The following PHACTR3 variants were observed in gnomAD, a reference collection of about 807,000 sequenced individuals.
PHACTR3 encodes phosphatase and actin regulator 3.
A neutral mutation model predicts 66.8 loss-of-function variants in PHACTR3; 16 were observed. That is an observed-to-expected ratio of 0.24 (90% CI 0.16 to 0.36). The LOEUF is 0.36. Among genes scored for constraint, PHACTR3 ranks in the 10% least tolerant of loss-of-function variants. The probability of loss-of-function intolerance (pLI) is 1.00; values close to 1 mark genes in which losing one functional copy is unlikely to be tolerated. For synonymous variants in PHACTR3, 323 were observed against 292.1 expected (o/e 1.11, Z -1.08); for missense variants, 647 against 719.9 (o/e 0.90, Z 1.16).
intron 1 of PHACTR3, among the ~76,000 whole-genome samples, chr20:59,635,205 TTTCC>T (rs1213062659): frequency 8.6e-5 from 11 of 128,536 alleles, no homozygotes; most frequent in Admixed American, 2.5e-4. Flanking sequence ...TCTTTCTTTC[TTTCC>T]TTCCTTCCTT....
At chr20:59,743,351 G>A (rs2039244928) in intron 2 of PHACTR3, 83 bp downstream of exon 2, 1 of 1,532,790 alleles carries the variant, frequency 6.5e-7, no homozygotes, top group South Asian at 1.2e-5. Flanking sequence ...GCTGATCTGT[G>A]ACTTCCTGGC....
chr20:59,731,424 C>A (rs546013237), intron 1 of PHACTR3, among the ~76,000 whole-genome samples: 2 of 152,204 alleles, frequency 1.3e-5, no homozygotes, highest in Non-Finnish European at 2.9e-5. Context: ...ATGATGACAA[C>A]AACAAAGCCA....
At chr20:59,722,525 G>A (rs1396678129) in intron 1 of PHACTR3, among the ~76,000 whole-genome samples, 2 of 152,182 alleles carry the variant, frequency 1.3e-5, no homozygotes, top group Non-Finnish European at 2.9e-5. Context: ...CTCCTCAGGG[G>A]GTTTGGATTG....
At chr20:59,747,900 C>G in intron 3 of PHACTR3, 65 bp downstream of exon 3, 1 of 1,532,856 alleles carries the variant, frequency 6.5e-7, no homozygotes, top group Non-Finnish European at 9.0e-7. Context: ...GAAAGTCTCA[C>G]ATGAGCCCAG....
intron 4 of PHACTR3, among the ~76,000 whole-genome samples, chr20:59,760,070 G>A (rs999841992): frequency 6.6e-6 from 1 of 152,066 alleles, no homozygotes; most frequent in Non-Finnish European, 1.5e-5. Context: ...GCTGGGGGTC[G>A]GGGAGAGGGG....
chr20:59,624,504 G>A (rs2034373634), intron 1 of PHACTR3, among the ~76,000 whole-genome samples: 1 of 152,080 alleles, frequency 6.6e-6, no homozygotes, highest in Non-Finnish European at 1.5e-5. Context: ...CTGATCTGAG[G>A]ACACCCTGCT....
At position 59,636,225 on chromosome 20, in the gene PHACTR3, G is replaced by T. The variant is rs1308467451; in HGVS notation, c.118+31093G>T. ...CTTTTAGTTTCTGGGTGAGGCCAGTGGTTATAAGCCAGTTCCTGAGTCTTT... is the reference window on the plus strand; with the variant it reads ...CTTTTAGTTTCTGGGTGAGGCCAGTTGTTATAAGCCAGTTCCTGAGTCTTT... On this transcript the variant is annotated intron_variant, in intron 1 of 12. Coordinates refer to ENST00000371015, the MANE Select transcript of PHACTR3 (RefSeq NM_080672.5). Among the ~76,000 whole-genome samples the T allele has an allele frequency of 2.0e-5, 3 of 152,166 alleles. No homozygotes were observed. In the East Asian group the frequency reaches 5.8e-4, roughly 29 times the overall value.
intron 1 of PHACTR3, among the ~76,000 whole-genome samples, chr20:59,660,652 G>A (rs926738726): frequency 6.6e-6 from 1 of 152,226 alleles, no homozygotes; most frequent in Admixed American, 6.5e-5. Flanking sequence ...AGGGGTGAAA[G>A]CAGTCAGCTG....
rs781338191 is a variant in PHACTR3 at position 59,687,552 on chromosome 20, C to A, written c.119-55555C>A. On this transcript the variant is annotated intron_variant, in intron 1 of 12. Coordinates refer to ENST00000371015, the MANE Select transcript of PHACTR3 (RefSeq NM_080672.5). ...AAGCTGATGAGAGGATCATGATTTC[C>A]CAGAGTGTGGACTGAAGCCTCCGGG... is the stretch of plus-strand genomic sequence containing the variant. Among the ~76,000 whole-genome samples the A allele has an allele frequency of 5.7e-4, 86 of 152,196 alleles. 2 individuals are homozygous for A. Among genetic ancestry groups the A allele is most frequent in the Non-Finnish European group, 2.2e-4 (15 of 67,996 alleles).
intron 1 of PHACTR3, among the ~76,000 whole-genome samples, chr20:59,696,223 G>C (rs151266413): frequency 1.6e-3 from 248 of 152,332 alleles, no homozygotes; most frequent in Middle Eastern, 0.01. Flanking sequence ...GGTCAAAGCA[G>C]AGAGCACTTA....
intron 1 of PHACTR3, among the ~76,000 whole-genome samples, chr20:59,678,394 C>A (rs574767433): frequency 2.0e-5 from 3 of 152,248 alleles, no homozygotes; most frequent in Non-Finnish European, 2.9e-5. Context: ...GGGAGCCACA[C>A]GCTTTGCACC....
chr20:59,622,529 C>G (rs892105990), intron 1 of PHACTR3, among the ~76,000 whole-genome samples: 1 of 152,194 alleles, frequency 6.6e-6, no homozygotes, highest in South Asian at 2.1e-4. Flanking sequence ...CCTGCTGACA[C>G]AGCAGCCATC....
intron 1 of PHACTR3, among the ~76,000 whole-genome samples, chr20:59,722,618 CTT>C (rs1568746126): frequency 6.6e-6 from 1 of 152,012 alleles, no homozygotes; most frequent in African/African-American, 2.4e-5. Context: ...CTGGGGATCT[CTT>C]TGCTTCCATA....
intron 8 of PHACTR3, among the ~76,000 whole-genome samples, chr20:59,821,876 AG>A (rs11476364): frequency 0.55 from 82,583 of 151,424 alleles, 26,214 homozygotes; most frequent in Non-Finnish European, 0.72. Context: ...AGCAGCTGGC[AG>A]GAAGTTGAGG....
At chr20:59,634,235 T>C (rs903884468) in intron 1 of PHACTR3, among the ~76,000 whole-genome samples, 22 of 152,196 alleles carry the variant, frequency 1.4e-4, no homozygotes, top group African/African-American at 4.8e-4. Flanking sequence ...CGAAGTGTTG[T>C]GGTTGCAAGT....
At position 59,758,741 on chromosome 20, in the gene PHACTR3, G is replaced by A. The variant is rs143868870; in HGVS notation, c.541+3377G>A. On this transcript the variant is annotated intron_variant, in intron 4 of 12. Coordinates refer to ENST00000371015, the MANE Select transcript of PHACTR3 (RefSeq NM_080672.5). ...CAAATGACTGGAAACAGAGGGCAATGTCTTTGACATCAGGCCGACCTGGGT... is the reference window on the plus strand; with the variant it reads ...CAAATGACTGGAAACAGAGGGCAATATCTTTGACATCAGGCCGACCTGGGT... 6.2e-4 allele frequency among the ~76,000 whole-genome samples: 95 copies of A among 152,310 alleles called. No homozygotes were observed. In the East Asian group the frequency reaches 0.017, roughly 27 times the overall value.
chr20:59,670,690 G>A (rs2036167681), intron 1 of PHACTR3, among the ~76,000 whole-genome samples: 1 of 151,800 alleles, frequency 6.6e-6, no homozygotes, highest in Non-Finnish European at 1.5e-5. Flanking sequence ...AGGTGTCCTA[G>A]AGGGAGCATT....
intron 1 of PHACTR3, among the ~76,000 whole-genome samples, chr20:59,620,453 C>T (rs139322559): frequency 8.5e-5 from 13 of 152,314 alleles, no homozygotes; most frequent in African/African-American, 3.1e-4. Context: ...CCTTAGCGTC[C>T]GCCAATGTGG....
chr20:59,613,538 TTTTG>T (rs971573714), intron 1 of PHACTR3, among the ~76,000 whole-genome samples: 3 of 152,170 alleles, frequency 2.0e-5, no homozygotes, highest in Admixed American at 6.5e-5. Flanking sequence ...AGCTTTTTCT[TTTTG>T]TTTGTTTGTT....
Sources: allele counts gnomAD v4.1 joint callset (sites outside exome capture counted in the v4.1 genomes callset), GRCh38; gene constraint gnomAD v4.1.1; transcripts MANE v1.5; gene names NCBI Gene and HGNC (gene_info 2026-07-23, HGNC 2026-07-21).